Variants in CSMD1 observed in about 807,000 individuals in gnomAD.
CSMD1 encodes CUB and Sushi multiple domains 1, also known as CUB and sushi domain-containing protein 1.
In CSMD1, 213 loss-of-function variants were observed where a neutral mutation model predicts 417.5. The observed-to-expected ratio is 0.51, with a 90% CI of 0.46 to 0.57. CSMD1 has a LOEUF of 0.57. CSMD1 is among the 20% of genes least tolerant of loss of function. The probability of loss-of-function intolerance (pLI) is 0.00; values close to 1 mark genes in which losing one functional copy is unlikely to be tolerated. For missense variants in CSMD1, 6,923 were observed against 4,529.7 expected, an observed-to-expected ratio of 1.53 and a Z score of -15.17; for synonymous variants, 2,862 against 1,736.8, an observed-to-expected ratio of 1.65 and a Z score of -16.11.
chr8:3,191,349 G>A (rs948494880), intron 33 of CSMD1, among the ~76,000 whole-genome samples: 1 of 152,102 alleles, frequency 6.6e-6, no homozygotes, highest in East Asian at 1.9e-4. Context: ...CCAGCTGCTC[G>A]GGAGTCTGAG....
chr8:3,345,080 G>C (rs1049156428), intron 22 of CSMD1, among the ~76,000 whole-genome samples: 3 of 152,218 alleles, frequency 2.0e-5, no homozygotes, highest in Non-Finnish European at 4.4e-5. Context: ...GTATACCATG[G>C]AATTGTCTGT....
rs370903974 is a variant in CSMD1, at chr8:3,261,749, G to C, written c.4153+22395C>G. 1.6e-3 allele frequency among the ~76,000 whole-genome samples: 243 copies of C among 152,202 alleles called. 1 individual carries two copies. Among genetic ancestry groups the C allele is most frequent in the African/African-American group, 5.4e-3 (226 of 41,548 alleles). The stretch of plus-strand genomic sequence containing the variant: ...GTACTGAATGAAGAGGCCAGTCCGA[G>C]AGACGACACACTGCCTGATTCCCTC... On this transcript the variant is annotated intron_variant, in intron 26 of 69. Transcript: ENST00000635120.
chr8:4,380,792 A>C (rs1803053842), intron 3 of CSMD1, among the ~76,000 whole-genome samples: 1 of 152,170 alleles, frequency 6.6e-6, no homozygotes, highest in East Asian at 1.9e-4. Flanking sequence ...TATTTAAAAA[A>C]CTAAATCTTG....
intron 7 of CSMD1, among the ~76,000 whole-genome samples, chr8:3,649,774 A>C (rs1797755059): frequency 6.6e-6 from 1 of 152,144 alleles, no homozygotes; most frequent in Admixed American, 6.5e-5. Flanking sequence ...ATAATATTAA[A>C]ATCACTAATA....
chr8:2,965,219 G>A (rs1803852366), intron 59 of CSMD1, among the ~76,000 whole-genome samples: 1 of 152,130 alleles, frequency 6.6e-6, no homozygotes, highest in Non-Finnish European at 1.5e-5. Flanking sequence ...ACCTTGATGA[G>A]TTGAGCCTGT....
At chr8:3,064,164 C>T (rs1003191498) in intron 49 of CSMD1, among the ~76,000 whole-genome samples, 3 of 152,194 alleles carry the variant, frequency 2.0e-5, no homozygotes, top group Non-Finnish European at 4.4e-5. Flanking sequence ...ACAAAATGAA[C>T]TTTCAAGGCC....
intron 5 of CSMD1, among the ~76,000 whole-genome samples, chr8:3,902,246 C>T (rs1055975348): frequency 6.6e-6 from 1 of 152,160 alleles, no homozygotes; most frequent in Non-Finnish European, 1.5e-5. Context: ...CCTCCCAACC[C>T]ACATTCTAGG....
chr8:4,012,590 G>C (rs972123660), intron 4 of CSMD1, among the ~76,000 whole-genome samples: 1 of 152,058 alleles, frequency 6.6e-6, no homozygotes, highest in Non-Finnish European at 1.5e-5. Flanking sequence ...CCTCCCCTCA[G>C]TAGGCCTCAG....
chr8:4,378,885 C>G (rs1010706137), intron 3 of CSMD1, among the ~76,000 whole-genome samples: 5 of 152,138 alleles, frequency 3.3e-5, no homozygotes, highest in African/African-American at 7.2e-5. Flanking sequence ...TCTCTAGTTG[C>G]TGAATCCGCA....
At chr8:4,325,874 G>A (rs373421678) in intron 3 of CSMD1, among the ~76,000 whole-genome samples, 18 of 152,182 alleles carry the variant, frequency 1.2e-4, no homozygotes, top group African/African-American at 4.1e-4. Flanking sequence ...TGAGAGTTCC[G>A]TTCTGTATAT....
intron 10 of CSMD1, among the ~76,000 whole-genome samples, chr8:3,500,788 G>T (rs1023742992): frequency 6.6e-6 from 1 of 152,190 alleles, no homozygotes; most frequent in Non-Finnish European, 1.5e-5. Context: ...AGAGTTGTAG[G>T]CATGGAAGAA....
chr8:4,415,796 T>C (rs780528790), intron 3 of CSMD1, among the ~76,000 whole-genome samples: 9 of 152,190 alleles, frequency 5.9e-5, no homozygotes, highest in African/African-American at 9.7e-5. Flanking sequence ...AGCACACGTG[T>C]TTACATGTAT....
Position 2,995,787 on chromosome 8 carries a change from G to C in CSMD1, c.8377+2224C>G, listed in dbSNP as rs867176465. Among the ~76,000 whole-genome samples, 8 of 152,236 alleles carry C rather than the reference G, an allele frequency of 5.3e-5. No homozygotes were observed. The South Asian group carries it at 8.3e-4, about 16-fold the overall frequency. ...CCGGAAAATTATGTTGAATAAAAAA[G>C]GCCCATCTCAGAAGGCTGCACACCA... is the stretch of plus-strand genomic sequence containing the variant. On this transcript the variant is annotated intron_variant, in intron 54 of 69. Transcript: ENST00000635120.
chr8:4,642,917 G>A (rs1336369163), intron 1 of CSMD1, among the ~76,000 whole-genome samples: 1 of 152,178 alleles, frequency 6.6e-6, no homozygotes, highest in African/African-American at 2.4e-5. Context: ...GCCATGCAGG[G>A]AAATGATACT....
intron 2 of CSMD1, among the ~76,000 whole-genome samples, chr8:4,450,075 C>T (rs902811253): frequency 3.3e-5 from 5 of 152,304 alleles, no homozygotes; most frequent in East Asian, 3.9e-4. Flanking sequence ...AGGACTTCCT[C>T]GTCCTGTCTC....
At chr8:3,094,800 C>CAAAAAAA (rs33991879) in intron 47 of CSMD1, among the ~76,000 whole-genome samples, 4 of 105,374 alleles carry the variant, frequency 3.8e-5, no homozygotes, top group Admixed American at 2.0e-4. Context: ...GCCCGTCTTA[C>CAAAAAAA]AAAAAAAAAA....
intron 2 of CSMD1, among the ~76,000 whole-genome samples, chr8:4,423,753 C>T (rs1797388768): frequency 6.6e-6 from 1 of 151,948 alleles, no homozygotes; most frequent in African/African-American, 2.4e-5. Context: ...AATAGAATAG[C>T]TCAAACATTT....
chr8:3,813,357 A>C (rs1234591453), intron 5 of CSMD1, among the ~76,000 whole-genome samples: 7 of 152,180 alleles, frequency 4.6e-5, no homozygotes, highest in African/African-American at 1.7e-4. Context: ...TGATTTTGCA[A>C]TGATGTGAAG....
chr8:3,078,003 G>A (rs11986105), intron 49 of CSMD1, among the ~76,000 whole-genome samples: 29,554 of 152,084 alleles, frequency 0.19, 3,137 homozygotes, highest in East Asian at 0.32. Context: ...ATCCTCACAC[G>A]ATCCCTTTGT....
Sources: allele counts gnomAD v4.1 joint callset (sites outside exome capture counted in the v4.1 genomes callset), GRCh38; gene constraint gnomAD v4.1.1; transcripts MANE v1.5; gene names NCBI Gene and HGNC (gene_info 2026-07-23, HGNC 2026-07-21).